Variants in TEX11 observed in about 807,000 individuals in gnomAD.
TEX11 encodes testis expressed 11, also known as testis-expressed protein 11.
Under a neutral mutation model 84.4 loss-of-function variants are expected in TEX11, and 7 were observed. The observed-to-expected ratio is 0.08, with a 90% CI of 0.05 to 0.16. The LOEUF (loss-of-function observed/expected upper bound fraction) is 0.16. Ranked by LOEUF, TEX11 falls within the 10% of genes least tolerant of loss-of-function variation. The probability of loss-of-function intolerance (pLI) is 1.00; values close to 1 mark genes in which losing one functional copy is unlikely to be tolerated. For missense variants in TEX11, 551 were observed against 660.5 expected, an observed-to-expected ratio of 0.83 and a Z score of 1.82; for synonymous variants, 264 against 222.8, an observed-to-expected ratio of 1.18 and a Z score of -1.64.
chrX:70,820,346 G>T (rs1280421013), intron 8 of TEX11, among the ~76,000 whole-genome samples: 3 of 112,064 alleles, frequency 2.7e-5, no homozygotes, highest in Non-Finnish European at 3.8e-5. Context: ...AGTGTTGATG[G>T]ATATCAACAT....
chrX:70,591,710 C>G (rs2088933372), intron 25 of TEX11, 41 bp downstream of exon 25: 1 of 1,057,561 alleles, frequency 9.5e-7, no homozygotes, highest in Non-Finnish European at 1.3e-6. Flanking sequence ...ATTCTAAGCT[C>G]CTTTCAAACT....
chrX:70,829,722 T>C (rs2091366991), intron 8 of TEX11, among the ~76,000 whole-genome samples: 1 of 110,710 alleles, frequency 9.0e-6, no homozygotes, highest in African/African-American at 3.3e-5. Flanking sequence ...TTTGTGTGTG[T>C]GTGTGTGTGT....
At chrX:70,575,239 C>T (rs1463470756) in intron 25 of TEX11, among the ~76,000 whole-genome samples, 1 of 111,446 alleles carries the variant, frequency 9.0e-6, no homozygotes, top group Non-Finnish European at 1.9e-5. Flanking sequence ...CATGAGATAG[C>T]TTGGAACTAG....
At chrX:70,714,368 A>T (rs951507820) in intron 13 of TEX11, among the ~76,000 whole-genome samples, 1 of 111,139 alleles carries the variant, frequency 9.0e-6, no homozygotes, top group Admixed American at 9.6e-5. Context: ...TGTCGTGTTG[A>T]TCTGTCTAAT....
chrX:70,817,596 A>C (rs920177258), intron 8 of TEX11, among the ~76,000 whole-genome samples: 1 of 109,648 alleles, frequency 9.1e-6, no homozygotes, highest in African/African-American at 3.3e-5. Flanking sequence ...AGGCAGGAGA[A>C]CCCCTTGAAC....
At chrX:70,817,254 T>TACACACAC (rs57325193) in intron 8 of TEX11, among the ~76,000 whole-genome samples, 4 of 82,400 alleles carry the variant, frequency 4.9e-5, no homozygotes, top group African/African-American at 1.9e-4. Flanking sequence ...CATATATATA[T>TACACACAC]ACACACACAC....
At chrX:70,801,789 T>C (rs1432250590) in intron 9 of TEX11, among the ~76,000 whole-genome samples, 1 of 109,684 alleles carries the variant, frequency 9.1e-6, no homozygotes, top group Non-Finnish European at 1.9e-5. Flanking sequence ...TTAAATATTC[T>C]CACCACACAC....
chrX:70,778,104 A>G (rs1185010497), intron 9 of TEX11, among the ~76,000 whole-genome samples: 1 of 112,026 alleles, frequency 8.9e-6, no homozygotes, highest in African/African-American at 3.2e-5. Flanking sequence ...GTATACTTAT[A>G]TCAGAAAAAA....
Position 70,813,808 on chromosome X carries a change from GACAA to G in TEX11, c.607-7022_607-7019del, listed in dbSNP as rs1292836941. On this transcript the variant is annotated intron_variant, in intron 8 of 29. Coordinates refer to ENST00000374333, the MANE Select transcript of TEX11 (RefSeq NM_031276.3). ...CAAGCATTCTTATACACCAATAACA[GACAA>G]ACAGAGAGCCAAATCATGAGTGAAC... Among the ~76,000 whole-genome samples the G allele has an allele frequency of 9.0e-5, 10 of 111,462 alleles. No individual in the cohort carries two copies. The East Asian group carries it at 2.5e-3, about 28-fold the overall frequency.
At chrX:70,757,163 CG>C (rs1569431467) in intron 9 of TEX11, among the ~76,000 whole-genome samples, 1 of 111,984 alleles carries the variant, frequency 8.9e-6, no homozygotes, top group Non-Finnish European at 1.9e-5. Context: ...CTGAAACTGA[CG>C]GGGAGAATGG....
rs868062297 is a variant in TEX11 at position 70,792,335 on chromosome X, T to A, written c.692+14370A>T. On this transcript the variant is annotated intron_variant, in intron 9 of 29. Coordinates refer to ENST00000374333, the MANE Select transcript of TEX11 (RefSeq NM_031276.3). ...AAAAAAATATATATATATATATATA[T>A]ATATATATATATATATATATATACA... Among the ~76,000 whole-genome samples the A allele has an allele frequency of 4.1e-4, 3 of 7,385 alleles. 1 individual carries two copies. Among genetic ancestry groups the A allele is most frequent in the African/African-American group, 2.1e-3 (2 of 954 alleles). The allele number at this position is 7,385 out of a possible 115,157, so 6.4% of individuals were successfully genotyped here. A position where few individuals can be genotyped will look rare whatever the true frequency, so the allele number is the denominator to read the frequency against.
intron 11 of TEX11, among the ~76,000 whole-genome samples, chrX:70,727,743 G>C (rs747520339): frequency 3.0e-4 from 33 of 110,652 alleles, no homozygotes; most frequent in Non-Finnish European, 7.6e-5. Flanking sequence ...AGACATGAGA[G>C]AGATGAGAGA....
intron 8 of TEX11, among the ~76,000 whole-genome samples, chrX:70,827,107 T>C (rs1392778314): frequency 9.1e-6 from 1 of 110,404 alleles, no homozygotes; most frequent in Non-Finnish European, 1.9e-5. Context: ...CTGGGCAGAG[T>C]AGTGAGGCCC....
intron 7 of TEX11, among the ~76,000 whole-genome samples, chrX:70,842,455 T>G (rs2091452077): frequency 1.8e-5 from 2 of 111,716 alleles, no homozygotes; most frequent in Non-Finnish European, 3.8e-5. Flanking sequence ...AAACTCTCAA[T>G]AAATTAGGTA....
At chrX:70,530,291 C>G (rs943511365) in intron 28 of TEX11, among the ~76,000 whole-genome samples, 2 of 111,858 alleles carry the variant, frequency 1.8e-5, no homozygotes, top group Admixed American at 9.5e-5. Context: ...AACTTGCATA[C>G]TGTTTGGGGC....
At chrX:70,520,973 G>A in the TEX11 span, among the ~76,000 whole-genome samples, 12 of 112,269 alleles carry the variant, frequency 1.1e-4, no homozygotes, top group Admixed American at 6.6e-4. Flanking sequence ...CTGGTGTGCC[G>A]TTTGCTAAGA....
At chrX:70,750,929 AAAAAATATATATATATATATATATAT>A (rs762992307) in intron 9 of TEX11, among the ~76,000 whole-genome samples, 3,965 of 26,645 alleles carry the variant, frequency 0.15, 276 homozygotes, top group East Asian at 0.48. Context: ...AATAAAAAAA[AAAAAATATATATATATATATATATAT>A]ATATATATAT....
At chrX:70,778,734 G>A (rs376894360) in intron 9 of TEX11, among the ~76,000 whole-genome samples, 17 of 111,083 alleles carry the variant, frequency 1.5e-4, no homozygotes, top group East Asian at 5.6e-4. Context: ...GGGCTCAAGC[G>A]ATCCTTGAGC....
At chrX:70,876,745 AC>A (rs1430934464) in intron 3 of TEX11, among the ~76,000 whole-genome samples, 3 of 110,988 alleles carry the variant, frequency 2.7e-5, no homozygotes, top group East Asian at 2.8e-4. Context: ...ACATGGAGAA[AC>A]CCCATCTCTA....
Sources: gnomAD v4.1 joint callset for allele counts (sites outside exome capture counted in the v4.1 genomes callset) on GRCh38, gnomAD v4.1.1 for gene constraint, MANE v1.5 for transcripts, NCBI Gene and HGNC (gene_info 2026-07-23, HGNC 2026-07-21) for gene names.